The following SEMA5A variants were observed in gnomAD, a reference collection of about 807,000 sequenced individuals.
SEMA5A encodes semaphorin 5A.
A neutral mutation model predicts 135.5 loss-of-function variants in SEMA5A; 55 were observed. The observed-to-expected ratio is 0.41, with a 90% CI of 0.33 to 0.51. The LOEUF (loss-of-function observed/expected upper bound fraction) is 0.51. Among genes scored for constraint, SEMA5A ranks in the 20% least tolerant of loss-of-function variants. The pLI is 0.37. For synonymous variants in SEMA5A, 580 were observed against 546.5 expected (o/e 1.06, Z -0.85); for missense variants, 1,290 against 1,419.9 (o/e 0.91, Z 1.47).
At chr5:9,075,914 T>G (rs1306177053) in intron 16 of SEMA5A, among the ~76,000 whole-genome samples, 1 of 152,030 alleles carries the variant, frequency 6.6e-6, no homozygotes, top group Non-Finnish European at 1.5e-5. Flanking sequence ...TATTTAGAAA[T>G]TATATCTTCA....
chr5:9,445,085 A>G (rs1171000057), intron 1 of SEMA5A, among the ~76,000 whole-genome samples: 2 of 152,224 alleles, frequency 1.3e-5, no homozygotes, highest in Non-Finnish European at 2.9e-5. Context: ...TTGCATTCCA[A>G]TAAGCAAATA....
intron 6 of SEMA5A, among the ~76,000 whole-genome samples, chr5:9,233,138 T>C (rs188771159): frequency 7.9e-4 from 120 of 152,290 alleles, no homozygotes; most frequent in African/African-American, 2.8e-3. Flanking sequence ...TGAAATGAGA[T>C]CATGAACAAA....
At chr5:9,438,840 G>A (rs988948966) in intron 1 of SEMA5A, among the ~76,000 whole-genome samples, 6 of 152,214 alleles carry the variant, frequency 3.9e-5, no homozygotes, top group Non-Finnish European at 5.9e-5. Flanking sequence ...CTTCAGTCAT[G>A]ATCCGAGGCC....
At chr5:9,353,369 A>G (rs1259868682) in intron 3 of SEMA5A, among the ~76,000 whole-genome samples, 8 of 147,200 alleles carry the variant, frequency 5.4e-5, no homozygotes, top group Non-Finnish European at 7.5e-5. Flanking sequence ...AAAGGAAAGG[A>G]AAGGAAAGGA....
At chr5:9,355,963 T>G (rs1754424709) in intron 3 of SEMA5A, among the ~76,000 whole-genome samples, 1 of 152,212 alleles carries the variant, frequency 6.6e-6, no homozygotes, top group Non-Finnish European at 1.5e-5. Context: ...GATTTTGATC[T>G]TAGAATCAAT....
intron 16 of SEMA5A, among the ~76,000 whole-genome samples, chr5:9,092,530 G>T (rs253635): frequency 0.56 from 85,118 of 152,048 alleles, 26,009 homozygotes; most frequent in African/African-American, 0.83. Context: ...GGAACACGGA[G>T]TTTCAGTGCT....
chr5:9,052,059 G>A (rs748198639), intron 19 of SEMA5A, 31 bp from the exon 20 acceptor site: 21 of 1,534,640 alleles, frequency 1.4e-5, no homozygotes, highest in African/African-American at 4.1e-5. Context: ...GAGATGGGGC[G>A]GAATGGCCAG....
chr5:9,062,851 T>A, intron 18 of SEMA5A, 36 bp downstream of exon 18: 1 of 1,608,448 alleles, frequency 6.2e-7, no homozygotes, highest in Non-Finnish European at 8.5e-7. Flanking sequence ...GGCCCTTGAG[T>A]TTTCAGATGT....
At chr5:9,380,119 C>A in intron 2 of SEMA5A, 96 bp from the exon 3 acceptor site, 1 of 787,784 alleles carries the variant, frequency 1.3e-6, no homozygotes, top group East Asian at 2.7e-5. Context: ...TAAGGTTACA[C>A]TTTGTGGAGA....
At chr5:9,489,025 A>G (rs1436000054) in intron 1 of SEMA5A, among the ~76,000 whole-genome samples, 2 of 152,148 alleles carry the variant, frequency 1.3e-5, no homozygotes, top group African/African-American at 2.4e-5. Flanking sequence ...ATCACTTAAC[A>G]TTTTCATGAG....
At chr5:9,324,149 A>G (rs1310234245) in intron 4 of SEMA5A, among the ~76,000 whole-genome samples, 1 of 151,822 alleles carries the variant, frequency 6.6e-6, no homozygotes, top group Non-Finnish European at 1.5e-5. Flanking sequence ...GCTCACTGCA[A>G]GCTCTGCCTC....
chr5:9,420,330 T>C (rs1757422164), intron 2 of SEMA5A, among the ~76,000 whole-genome samples: 1 of 152,168 alleles, frequency 6.6e-6, no homozygotes, highest in African/African-American at 2.4e-5. Flanking sequence ...AATTATAGTA[T>C]TTGTCACTAC....
Position 9,329,856 on chromosome 5 carries a change from C to T in SEMA5A, c.224+7857G>A, listed in dbSNP as rs147166723. Reference sequence around the variant, plus strand: ...CTGATATCAAATGGATTGGTATTTGCCTATAACCTATGCACATCTTCCCAT... The same window carrying T: ...CTGATATCAAATGGATTGGTATTTGTCTATAACCTATGCACATCTTCCCAT... On this transcript the variant is annotated intron_variant, in intron 4 of 22. Transcript: ENST00000382496. Among the ~76,000 whole-genome samples, 554 of 152,242 alleles carry T rather than the reference C, an allele frequency of 3.6e-3. 2 individuals carry two copies. The highest frequency in any genetic ancestry group is 0.013 in the African/African-American group (537 of 41,532).
At chr5:9,295,114 G>A (rs1751267446) in intron 5 of SEMA5A, among the ~76,000 whole-genome samples, 1 of 152,164 alleles carries the variant, frequency 6.6e-6, no homozygotes, top group African/African-American at 2.4e-5. Context: ...CACAAAGTAT[G>A]ACTCACAACA....
chr5:9,417,686 C>T (rs1467026127), intron 2 of SEMA5A, among the ~76,000 whole-genome samples: 2 of 152,184 alleles, frequency 1.3e-5, no homozygotes, highest in African/African-American at 2.4e-5. Context: ...ACAAATCCTC[C>T]GATCAGCACA....
intron 5 of SEMA5A, among the ~76,000 whole-genome samples, chr5:9,259,426 T>C (rs1194968292): frequency 6.6e-6 from 1 of 151,834 alleles, no homozygotes; most frequent in Non-Finnish European, 1.5e-5. Context: ...GATAGTTTGT[T>C]ATAATTTCTG....
intron 21 of SEMA5A, among the ~76,000 whole-genome samples, chr5:9,048,036 C>T (rs1736365483): frequency 1.3e-5 from 2 of 152,136 alleles, no homozygotes; most frequent in Admixed American, 1.3e-4. Context: ...GAGGCATCAG[C>T]TGTTTGAGCC....
intron 12 of SEMA5A, among the ~76,000 whole-genome samples, chr5:9,153,953 C>T (rs920616294): frequency 7.5e-5 from 11 of 147,164 alleles, no homozygotes; most frequent in Admixed American, 1.4e-4. Flanking sequence ...GGCTGAGGCA[C>T]GAGAATCACT....
chr5:9,201,847 A>T, intron 9 of SEMA5A, 108 bp downstream of exon 9: 2 of 1,092,388 alleles, frequency 1.8e-6, no homozygotes, highest in South Asian at 3.3e-5. Flanking sequence ...CCAGTAAATT[A>T]AGAAAGATTT....
Sources: allele counts gnomAD v4.1 joint callset (sites outside exome capture counted in the v4.1 genomes callset), GRCh38; gene constraint gnomAD v4.1.1; transcripts MANE v1.5; gene names NCBI Gene and HGNC (gene_info 2026-07-23, HGNC 2026-07-21).